FBP2: variants seen among roughly 807,000 people sequenced by gnomAD.
FBP2 encodes fructose-1,6-bisphosphatase isozyme 2.
A neutral mutation model predicts 31.6 loss-of-function variants in FBP2; 27 were observed. That is an observed-to-expected ratio of 0.85 (90% CI 0.63 to 1.18). The LOEUF is 1.18. Among genes scored for constraint, FBP2 ranks in the 50% most tolerant of loss-of-function variants. The pLI is 0.00. For missense variants in FBP2, 421 were observed against 436.1 expected (o/e 0.97, Z 0.31); for synonymous variants, 168 against 179.8 (o/e 0.93, Z 0.53).
chr9:94,561,848 C>G (rs922149992), intron 6 of FBP2, among the ~76,000 whole-genome samples: 2 of 152,118 alleles, frequency 1.3e-5, no homozygotes. Context: ...GGTGGTTATG[C>G]GCAGCAAACG....
chr9:94,565,319 G>A (rs571891623), intron 5 of FBP2, among the ~76,000 whole-genome samples: 1 of 138,366 alleles, frequency 7.2e-6, no homozygotes, highest in South Asian at 2.2e-4. Context: ...AGGTTGCAGT[G>A]AGCTAAGATC....
intron 2 of FBP2, among the ~76,000 whole-genome samples, chr9:94,585,069 C>T (rs914782298): frequency 1.3e-5 from 2 of 152,092 alleles, no homozygotes; most frequent in Non-Finnish European, 2.9e-5. Context: ...CAATTAAACA[C>T]GGGTAATGCA....
At chr9:94,581,846 A>G (rs1446022962) in intron 3 of FBP2, among the ~76,000 whole-genome samples, 2 of 152,212 alleles carry the variant, frequency 1.3e-5, no homozygotes, top group African/African-American at 4.8e-5. Flanking sequence ...AATTAGGCAC[A>G]ACTGAAAACC....
chr9:94,563,959 C>T (rs1827148020), intron 5 of FBP2, among the ~76,000 whole-genome samples: 1 of 152,140 alleles, frequency 6.6e-6, no homozygotes. Context: ...ATAATATGCA[C>T]CTAACACAGG....
At chr9:94,583,099 C>G (rs1728975862) in intron 3 of FBP2, among the ~76,000 whole-genome samples, 1 of 151,984 alleles carries the variant, frequency 6.6e-6, no homozygotes, top group African/African-American at 2.4e-5. Context: ...AGGTGATCCA[C>G]CCACCTCAGC....
intron 2 of FBP2, 113 bp from the exon 3 acceptor site, chr9:94,584,782 C>T: frequency 1.5e-6 from 1 of 680,106 alleles, no homozygotes; most frequent in Non-Finnish European, 2.7e-6. Context: ...GATTGAGAAC[C>T]ACAGCATATC....
chr9:94,562,127 T>G (rs376241248), intron 6 of FBP2, among the ~76,000 whole-genome samples: 159 of 151,846 alleles, frequency 1.0e-3, no homozygotes, highest in Non-Finnish European at 1.5e-3. Flanking sequence ...CTGGCTAACA[T>G]GGTGAAACCC....
chr9:94,590,444 G>T (rs567284765), intron 1 of FBP2, among the ~76,000 whole-genome samples: 1 of 64,128 alleles, frequency 1.6e-5, no homozygotes, highest in South Asian at 5.0e-4. Flanking sequence ...AGGGGCTTGC[G>T]GTCCCCTGCC....
chr9:94,563,869 C>A (rs1402243824), intron 5 of FBP2, among the ~76,000 whole-genome samples: 2 of 152,074 alleles, frequency 1.3e-5, no homozygotes, highest in African/African-American at 4.8e-5. Flanking sequence ...GACTTTAAAC[C>A]AATAAAGTTC....
At chr9:94,560,985 C>T (rs906198142) in intron 6 of FBP2, among the ~76,000 whole-genome samples, 6 of 151,922 alleles carry the variant, frequency 3.9e-5, no homozygotes, top group Non-Finnish European at 7.4e-5. Context: ...GTGGTGCATG[C>T]GGGCTGTCTG....
Position 94,559,074 on chromosome 9 carries a change from A to G in FBP2, c.884T>C (p.Leu295Ser). The change falls in exon 7 of 7, where the codon TTG (leucine) becomes TCG (serine). Residue 295 changes from leucine (L) to serine (S), a missense_variant. Transcript: ENST00000375337. ...TACAGGCTGGGTCCCCGTGGTCGCC[A>G]AGCCTCCTGCCTGCTCAATGATGTA... ...VAYIIEQAGG[L>S]ATTGTQPVLD... The G allele has an allele frequency of 1.2e-6, 2 of 1,614,098 alleles. No homozygotes were observed. Among genetic ancestry groups the G allele is most frequent in the Non-Finnish European group, 1.7e-6 (2 of 1,180,010 alleles).
At chr9:94,581,666 T>G (rs1827373809) in intron 3 of FBP2, among the ~76,000 whole-genome samples, 1 of 152,004 alleles carries the variant, frequency 6.6e-6, no homozygotes, top group Non-Finnish European at 1.5e-5. Context: ...CCGGAATACC[T>G]TGACAAAAAA....
chr9:94,591,537 C>G (rs569856809), intron 1 of FBP2, among the ~76,000 whole-genome samples: 2 of 152,352 alleles, frequency 1.3e-5, no homozygotes, highest in East Asian at 3.9e-4. Context: ...TCCACACCTC[C>G]CTGAAAGCTG....
Position 94,558,996 on chromosome 9 carries a change from G to A in FBP2, c.962C>T (p.Ser321Leu). The A allele has an allele frequency of 1.9e-6, 3 of 1,614,104 alleles. No individual in the cohort carries two copies. The highest frequency in any genetic ancestry group is 2.5e-6 in the Non-Finnish European group (3 of 1,180,024). Residue 321 changes from serine (S) to leucine (L), a missense_variant, in exon 7 of 7, where the codon TCA becomes TTA. By Grantham distance (145) the Ser-to-Leu change is moderately radical. Transcript: ENST00000375337. ...GAGATATTCCTGCACATCCTCTGGT[G>A]ACCCCAGAATGAGGGGGACTCGCTG... ...IHQRVPLILG[S>L]PEDVQEYLTC...
In FBP2 at chr9:94,563,396, C is replaced by G. The variant is rs1000265667; in HGVS notation, c.771G>C (p.Leu257=). Residue 257 remains leucine, a synonymous_variant, in exon 6 of 7, where the codon CTG becomes CTC. Coordinates refer to ENST00000375337, the MANE Select transcript of FBP2 (RefSeq NM_003837.4). ...GSMVADVHRT[L]VYGGIFLYPA... is the part of the protein sequence containing the mutation. ...GGTACAGGAAGATTCCTCCATAGACCAGGGTGCGGTGCACGTCAGCCACCA... is the reference window on the plus strand; with the variant it reads ...GGTACAGGAAGATTCCTCCATAGACGAGGGTGCGGTGCACGTCAGCCACCA... 4 of 1,613,950 alleles carry G rather than the reference C, an allele frequency of 2.5e-6. No individual in the cohort carries two copies. Among genetic ancestry groups the G allele is most frequent in the Non-Finnish European group, 3.4e-6 (4 of 1,179,998 alleles).
At chr9:94,562,083 G>A (rs907232074) in intron 6 of FBP2, among the ~76,000 whole-genome samples, 4 of 152,140 alleles carry the variant, frequency 2.6e-5, no homozygotes, top group Non-Finnish European at 5.9e-5. Flanking sequence ...AGGCCAAGGC[G>A]GGCGGATCAC....
rs1049016153 is a variant in FBP2 at position 94,585,646 on chromosome 9, A to G, written c.334-977T>C. Among the ~76,000 whole-genome samples the G allele has an allele frequency of 2.0e-5, 3 of 152,202 alleles. No individual in the cohort carries two copies. The East Asian group carries it at 5.8e-4, about 29-fold the overall frequency. ...TTTCTTGTTTTTGTTTTGTTTTGAC[A>G]GAGTCTCACTCTGTTGCCCAGGATG... On this transcript the variant is annotated intron_variant, in intron 2 of 6. Coordinates refer to ENST00000375337, the MANE Select transcript of FBP2 (RefSeq NM_003837.4).
chr9:94,567,227 G>A lies in FBP2; in HGVS notation c.705+43C>T, dbSNP rs754191275. The A allele has an allele frequency of 6.2e-6, 10 of 1,610,244 alleles. No individual in the cohort carries two copies. In the Admixed American group the frequency reaches 6.7e-5, roughly 11 times the overall value. The stretch of plus-strand genomic sequence containing the variant: ...CCACCACCCAAACAGGACCCCATGG[G>A]GACAGCATTCTGTCTGCCACCCACC... On this transcript the variant is annotated intron_variant, in intron 5 of 6. Transcript: ENST00000375337.
chr9:94,565,020 A>G (rs1482039663), intron 5 of FBP2, among the ~76,000 whole-genome samples: 1 of 152,212 alleles, frequency 6.6e-6, no homozygotes, highest in African/African-American at 2.4e-5. Context: ...TGTATATTAT[A>G]TATAATGAAA....
Sources: allele counts gnomAD v4.1 joint callset (sites outside exome capture counted in the v4.1 genomes callset), GRCh38; gene constraint gnomAD v4.1.1; transcripts MANE v1.5; gene names NCBI Gene and HGNC (gene_info 2026-07-23, HGNC 2026-07-21).